THADA: variants seen among roughly 807,000 people sequenced by gnomAD.
THADA encodes THADA armadillo repeat containing.
Under a neutral mutation model 219.8 loss-of-function variants are expected in THADA, and 213 were observed. That is an observed-to-expected ratio of 0.97 (90% CI 0.87 to 1.09). The LOEUF is 1.09. THADA is among the 50% of genes least tolerant of loss of function. The probability of loss-of-function intolerance (pLI) is 0.00; values close to 1 mark genes in which losing one functional copy is unlikely to be tolerated. For missense variants in THADA, 2,956 were observed against 2,311.3 expected (o/e 1.28, Z -5.72); for synonymous variants, 1,018 against 828.9 (o/e 1.23, Z -3.92).
intron 35 of THADA, among the ~76,000 whole-genome samples, chr2:43,286,668 T>C (rs536762313): frequency 6.6e-6 from 1 of 151,984 alleles, no homozygotes; most frequent in South Asian, 2.1e-4. Context: ...GAGGTTGCAC[T>C]AAGCCGAGAT....
intron 28 of THADA, among the ~76,000 whole-genome samples, chr2:43,415,578 A>G (rs1175807396): frequency 6.6e-6 from 1 of 152,154 alleles, no homozygotes; most frequent in African/African-American, 2.4e-5. Flanking sequence ...TCCTCATCCT[A>G]CTTAGAACTC....
chr2:43,588,509 G>T (rs547601285), intron 4 of THADA, among the ~76,000 whole-genome samples: 1 of 152,084 alleles, frequency 6.6e-6, no homozygotes, highest in Admixed American at 6.5e-5. Flanking sequence ...ATGATCTATA[G>T]AGAAGTCTTA....
intron 29 of THADA, among the ~76,000 whole-genome samples, chr2:43,360,944 T>A (rs1669442657): frequency 6.6e-6 from 1 of 152,164 alleles, no homozygotes; most frequent in African/African-American, 2.4e-5. Flanking sequence ...TGGAATGAGT[T>A]CATCCCCAGG....
intron 28 of THADA, among the ~76,000 whole-genome samples, chr2:43,410,892 G>T (rs923007867): frequency 2.6e-5 from 4 of 152,114 alleles, no homozygotes; most frequent in Admixed American, 2.6e-4. Flanking sequence ...GTTTTTAAAA[G>T]AATAATCTTT....
chr2:43,378,608 C>A (rs1304608303), intron 29 of THADA, among the ~76,000 whole-genome samples: 1 of 151,974 alleles, frequency 6.6e-6, no homozygotes. Flanking sequence ...ATAATAGTAT[C>A]TTCTTTTTTC....
intron 29 of THADA, among the ~76,000 whole-genome samples, chr2:43,387,480 C>G (rs1324566379): frequency 2.0e-5 from 3 of 152,040 alleles, no homozygotes; most frequent in African/African-American, 7.3e-5. Flanking sequence ...TTCATTAATG[C>G]CTATGCACAG....
intron 34 of THADA, among the ~76,000 whole-genome samples, chr2:43,289,637 G>A (rs7580013): frequency 0.26 from 39,302 of 152,034 alleles, 5,778 homozygotes; most frequent in African/African-American, 0.41. Context: ...AGAACTTGGT[G>A]TTTTTTTGTT....
intron 26 of THADA, among the ~76,000 whole-genome samples, chr2:43,484,098 A>C (rs1277420070): frequency 6.6e-6 from 1 of 152,100 alleles, no homozygotes; most frequent in African/African-American, 2.4e-5. Flanking sequence ...CTCAGTTAAA[A>C]AAAAAATTAA....
chr2:43,239,550 G>C (rs1281528089), intron 36 of THADA, among the ~76,000 whole-genome samples: 1 of 152,272 alleles, frequency 6.6e-6, no homozygotes, highest in Non-Finnish European at 1.5e-5. Context: ...AGATGTCAAA[G>C]TGGATGTCTT....
intron 26 of THADA, among the ~76,000 whole-genome samples, chr2:43,482,894 G>C (rs762348028): frequency 6.6e-6 from 1 of 152,142 alleles, no homozygotes; most frequent in Non-Finnish European, 1.5e-5. Flanking sequence ...ATAGCCCTAG[G>C]AGTAGACAGC....
chr2:43,470,357 T>C (rs1684768206), intron 26 of THADA, among the ~76,000 whole-genome samples: 1 of 152,082 alleles, frequency 6.6e-6, no homozygotes, highest in Non-Finnish European at 1.5e-5. Flanking sequence ...AAACATTTTA[T>C]ACGTAAAGAT....
intron 7 of THADA, among the ~76,000 whole-genome samples, chr2:43,582,568 G>C (rs565717512): frequency 3.1e-5 from 4 of 130,436 alleles, no homozygotes; most frequent in Non-Finnish European, 6.4e-5. Flanking sequence ...TCCCTCCCTG[G>C]CTTTTTTTTT....
intron 12 of THADA, among the ~76,000 whole-genome samples, chr2:43,572,533 C>A (rs1699410944): frequency 6.6e-6 from 1 of 152,122 alleles, no homozygotes; most frequent in Non-Finnish European, 1.5e-5. Flanking sequence ...CCAAGCGAGT[C>A]CTTATGTATT....
chr2:43,496,637 C>T (rs1489312718), intron 25 of THADA, among the ~76,000 whole-genome samples: 2 of 151,638 alleles, frequency 1.3e-5, no homozygotes, highest in African/African-American at 4.8e-5. Context: ...GATGCCACTT[C>T]ACACCCATTA....
chr2:43,396,893 T>C (rs6715054), intron 29 of THADA, among the ~76,000 whole-genome samples: 37,578 of 152,072 alleles, frequency 0.25, 4,826 homozygotes, highest in South Asian at 0.33. Flanking sequence ...ATGAAATAAT[T>C]AGTTTTCATT....
chr2:43,466,840 A>G (rs1389956436), intron 26 of THADA, among the ~76,000 whole-genome samples: 1 of 152,196 alleles, frequency 6.6e-6, no homozygotes, highest in Non-Finnish European at 1.5e-5. Context: ...CTTCAGCAGG[A>G]TAAATGTGAG....
intron 26 of THADA, among the ~76,000 whole-genome samples, chr2:43,476,553 C>T (rs1030169181): frequency 6.6e-6 from 1 of 152,188 alleles, no homozygotes; most frequent in Non-Finnish European, 1.5e-5. Flanking sequence ...AGGATTCTAG[C>T]TGCATAAGTC....
At chr2:43,472,668 G>A in intron 26 of THADA, among the ~76,000 whole-genome samples, 1 of 152,120 alleles carries the variant, frequency 6.6e-6, no homozygotes, top group East Asian at 1.9e-4. Flanking sequence ...TAACAACAGG[G>A]ATATGTTCTC....
chr2:43,259,446 A>G (rs2104193844), intron 36 of THADA, among the ~76,000 whole-genome samples: 1 of 152,366 alleles, frequency 6.6e-6, no homozygotes, highest in East Asian at 1.9e-4. Flanking sequence ...ACGTCCTGCC[A>G]GTTCACGCAT....
Sources: allele counts gnomAD v4.1 joint callset (sites outside exome capture counted in the v4.1 genomes callset), GRCh38; gene constraint gnomAD v4.1.1; transcripts MANE v1.5; gene names NCBI Gene and HGNC (gene_info 2026-07-23, HGNC 2026-07-21).